GMDS: variants seen among roughly 807,000 people sequenced by gnomAD.
GMDS encodes GDP-mannose 4,6-dehydratase, also known as GDP-mannose 4,6 dehydratase.
Under a neutral mutation model 49.9 loss-of-function variants are expected in GMDS, and 20 were observed. The observed-to-expected ratio is 0.40, with a 90% confidence interval of 0.28 to 0.58. GMDS has a LOEUF of 0.58. Among genes scored for constraint, GMDS ranks in the 20% least tolerant of loss-of-function variants. The probability of loss-of-function intolerance (pLI) is 0.42; values close to 1 mark genes in which losing one functional copy is unlikely to be tolerated. For missense variants in GMDS, 362 were observed against 481.4 expected (o/e 0.75, Z 2.32); for synonymous variants, 177 against 178.6 (o/e 0.99, Z 0.07).
chr6:1,941,815 C>T (rs1354759500), intron 6 of GMDS, among the ~76,000 whole-genome samples: 1 of 152,172 alleles, frequency 6.6e-6, no homozygotes, highest in African/African-American at 2.4e-5. Context: ...ACAGCTCCTC[C>T]AGGGCACAGG....
chr6:1,647,712 G>A (rs917799562), intron 9 of GMDS, among the ~76,000 whole-genome samples: 3 of 152,184 alleles, frequency 2.0e-5, no homozygotes, highest in Non-Finnish European at 2.9e-5. Context: ...TGTGTGGAAC[G>A]GAATGCTCTG....
intron 7 of GMDS, among the ~76,000 whole-genome samples, chr6:1,774,632 A>G (rs979912824): frequency 8.5e-5 from 13 of 152,312 alleles, no homozygotes; most frequent in African/African-American, 2.6e-4. Context: ...CTCACCAAAT[A>G]TCCAGGAAAG....
Position 1,673,816 on chromosome 6 carries a change from T to C in GMDS, c.988-49276A>G, listed in dbSNP as rs1002584165. Among the ~76,000 whole-genome samples the C allele has an allele frequency of 2.8e-4, 42 of 151,972 alleles. 1 individual carries two copies. The highest frequency in any genetic ancestry group is 1.6e-4 in the Non-Finnish European group (11 of 68,002). ...TACTCAGCTTTTTCAGACTGGCTTC[T>C]TTCATTTAGCGACATACATTTAAGG... On this transcript the variant is annotated intron_variant, in intron 9 of 10. Transcript: ENST00000380815.
chr6:1,783,528 G>A (rs1227250000), intron 7 of GMDS, among the ~76,000 whole-genome samples: 2 of 152,154 alleles, frequency 1.3e-5, no homozygotes, highest in African/African-American at 4.8e-5. Context: ...TCCAAATGGA[G>A]GAGCACGATT....
At chr6:1,850,694 C>T (rs894807239) in intron 7 of GMDS, among the ~76,000 whole-genome samples, 1 of 152,210 alleles carries the variant, frequency 6.6e-6, no homozygotes, top group African/African-American at 2.4e-5. Context: ...AGCAAAAAAG[C>T]TCCCAGCAGG....
intron 1 of GMDS, among the ~76,000 whole-genome samples, chr6:2,148,820 T>C (rs1385020109): frequency 6.6e-6 from 1 of 152,192 alleles, no homozygotes; most frequent in East Asian, 1.9e-4. Flanking sequence ...CTGTGTTTCA[T>C]AAAAACCCCA....
intron 7 of GMDS, among the ~76,000 whole-genome samples, chr6:1,925,187 AG>A (rs1303206406): frequency 6.6e-6 from 1 of 152,240 alleles, no homozygotes; most frequent in East Asian, 1.9e-4. Flanking sequence ...ATGTTTAAAA[AG>A]TTTTATAATA....
intron 1 of GMDS, among the ~76,000 whole-genome samples, chr6:2,174,281 G>C (rs1405049166): frequency 6.6e-6 from 1 of 152,136 alleles, no homozygotes; most frequent in African/African-American, 2.4e-5. Context: ...TTTTTAAAAA[G>C]GATAAGAGAA....
At chr6:1,993,244 G>A (rs1437438012) in intron 4 of GMDS, among the ~76,000 whole-genome samples, 1 of 152,052 alleles carries the variant, frequency 6.6e-6, no homozygotes, top group Non-Finnish European at 1.5e-5. Flanking sequence ...GCTGGCTCGT[G>A]GTTTTGTTAG....
intron 7 of GMDS, among the ~76,000 whole-genome samples, chr6:1,913,198 G>A (rs947254749): frequency 6.3e-4 from 96 of 151,760 alleles, no homozygotes; most frequent in African/African-American, 2.2e-3. Context: ...CGGCTAAAAC[G>A]GTGAAACCCC....
intron 8 of GMDS, among the ~76,000 whole-genome samples, chr6:1,733,378 G>A (rs969449259): frequency 2.6e-5 from 4 of 152,320 alleles, no homozygotes; most frequent in African/African-American, 7.2e-5. Context: ...ATAGGGTGTC[G>A]GGAGCTGAAT....
At chr6:1,919,665 C>G (rs1407101728) in intron 7 of GMDS, among the ~76,000 whole-genome samples, 1 of 152,150 alleles carries the variant, frequency 6.6e-6, no homozygotes, top group East Asian at 1.9e-4. Flanking sequence ...AATTTGATCC[C>G]AAGAGTACAA....
intron 4 of GMDS, among the ~76,000 whole-genome samples, chr6:2,007,206 A>G (rs1767244016): frequency 6.6e-6 from 1 of 152,214 alleles, no homozygotes; most frequent in Non-Finnish European, 1.5e-5. Flanking sequence ...CAATTATCCC[A>G]TGAAACCACA....
chr6:1,747,041 C>T (rs1767525457), intron 7 of GMDS, among the ~76,000 whole-genome samples: 1 of 152,126 alleles, frequency 6.6e-6, no homozygotes, highest in Non-Finnish European at 1.5e-5. Context: ...AAATACTCCT[C>T]TCTCACAGTC....
chr6:2,047,082 T>A (rs1439862108), intron 4 of GMDS, among the ~76,000 whole-genome samples: 1 of 152,228 alleles, frequency 6.6e-6, no homozygotes, highest in Non-Finnish European at 1.5e-5. Context: ...AATTTTACTT[T>A]TTAGTTTTGT....
At chr6:1,919,542 T>C (rs554563090) in intron 7 of GMDS, among the ~76,000 whole-genome samples, 45 of 152,352 alleles carry the variant, frequency 3.0e-4, no homozygotes, top group African/African-American at 1.1e-3. Flanking sequence ...CAATTGTTTT[T>C]CTCTTCTAAA....
chr6:2,020,015 A>C (rs1430289405), intron 4 of GMDS, among the ~76,000 whole-genome samples: 1 of 152,148 alleles, frequency 6.6e-6, no homozygotes, highest in African/African-American at 2.4e-5. Flanking sequence ...TTTTGCATCT[A>C]TTCAGAAAAG....
chr6:1,711,719 G>A (rs1765972373), intron 9 of GMDS, among the ~76,000 whole-genome samples: 1 of 152,114 alleles, frequency 6.6e-6, no homozygotes, highest in East Asian at 1.9e-4. Context: ...CTGACACCCC[G>A]GCTGCCTGCA....
chr6:2,034,483 A>G (rs1769167763), intron 4 of GMDS, among the ~76,000 whole-genome samples: 1 of 152,302 alleles, frequency 6.6e-6, no homozygotes, highest in East Asian at 1.9e-4. Context: ...CACTGTGATG[A>G]TAGTTACGCA....
Sources: allele counts gnomAD v4.1 joint callset (sites outside exome capture counted in the v4.1 genomes callset), GRCh38; gene constraint gnomAD v4.1.1; transcripts MANE v1.5; gene names NCBI Gene and HGNC (gene_info 2026-07-23, HGNC 2026-07-21).